The following SOHLH1 variants were observed in gnomAD, a reference collection of about 807,000 sequenced individuals.
SOHLH1 encodes the protein spermatogenesis- and oogenesis-specific basic helix-loop-helix-containing protein 1.
A neutral mutation model predicts 36.2 loss-of-function variants in SOHLH1; 23 were observed. That is an observed-to-expected ratio of 0.64 (90% CI 0.46 to 0.90). SOHLH1 has a LOEUF of 0.90. Ranked by LOEUF, SOHLH1 falls within the 40% of genes least tolerant of loss-of-function variation. SOHLH1 has a pLI of 0.00. For missense variants in SOHLH1, 608 were observed against 517.0 expected, an observed-to-expected ratio of 1.18 and a Z score of -1.71; for synonymous variants, 289 against 228.3, an observed-to-expected ratio of 1.27 and a Z score of -2.40.
At chr9:135,694,638 G>C (rs545960285) in intron 6 of SOHLH1, among the ~76,000 whole-genome samples, 181 bp from the exon 7 acceptor site, 1 of 152,158 alleles carries the variant, frequency 6.6e-6, no homozygotes, top group East Asian at 1.9e-4. Context: ...CTGAGGACAC[G>C]GGCCAGCGGC....
At chr9:135,695,398 G>A in intron 5 of SOHLH1, 135 bp from the exon 6 acceptor site, 2 of 754,326 alleles carry the variant, frequency 2.7e-6, no homozygotes, top group South Asian at 3.2e-5. Flanking sequence ...CCTGCAGCAG[G>A]GACACGTGGG....
intron 1 of SOHLH1, 107 bp downstream of exon 1, chr9:135,699,296 C>T: frequency 6.7e-7 from 1 of 1,499,336 alleles, no homozygotes; most frequent in Non-Finnish European, 9.1e-7. Context: ...GGGTCCAGGG[C>T]TCCGCCCCAG....
chr9:135,697,761 A>G, intron 3 of SOHLH1, 134 bp from the exon 4 acceptor site: 1 of 1,086,192 alleles, frequency 9.2e-7, no homozygotes, highest in Non-Finnish European at 1.3e-6. Flanking sequence ...CTTGGGGGCG[A>G]GAGTACAGGT....
upstream of SOHLH1, chr9:135,699,625 C>G: frequency 1.3e-6 from 1 of 776,476 alleles, no homozygotes. Flanking sequence ...CTAGCCCTCC[C>G]CACGCAGCCA....
intron 7 of SOHLH1, 39 bp from the exon 8 acceptor site, chr9:135,693,853 G>A: frequency 6.6e-7 from 1 of 1,524,638 alleles, no homozygotes; most frequent in Non-Finnish European, 8.9e-7. Flanking sequence ...GCAGGCAGGT[G>A]CTCTGGGAGC....
intron 4 of SOHLH1, among the ~76,000 whole-genome samples, chr9:135,697,019 T>A (rs1834829964): frequency 6.6e-6 from 1 of 152,170 alleles, no homozygotes; most frequent in African/African-American, 2.4e-5. Context: ...CGGTTCTAGA[T>A]TCTTCCACAG....
chr9:135,696,872 C>T lies in SOHLH1; in HGVS notation c.468-67G>A, dbSNP rs938272172. ...AGCCCCCTGGAAGGCTGCCCCCACC[C>T]ACCCCAAGAGCAGAGGGCTGGACCC... On this transcript the variant is annotated intron_variant, in intron 4 of 7. Transcript: ENST00000425225. The T allele has an allele frequency of 1.9e-6, 3 of 1,540,776 alleles. No homozygotes were observed. In the African/African-American group the frequency reaches 4.1e-5, roughly 21 times the overall value.
intron 6 of SOHLH1, 23 bp downstream of exon 6, chr9:135,695,007 TCGCTCACGCACACACAGGCG>T (rs1322502937): frequency 1.3e-6 from 2 of 1,542,728 alleles, no homozygotes; most frequent in Non-Finnish European, 1.8e-6. Flanking sequence ...ACACACATGC[TCGCTCACGCACACACAGGCG>T]TGCACACCAC....
upstream of SOHLH1, among the ~76,000 whole-genome samples, chr9:135,701,811 G>A (rs1346774589): frequency 6.6e-6 from 1 of 152,202 alleles, no homozygotes; most frequent in Non-Finnish European, 1.5e-5. Context: ...AGGTGCTGAC[G>A]GTCCCTGGGC....
At chr9:135,698,280 C>T in intron 3 of SOHLH1, 49 bp downstream of exon 3, 1 of 1,610,180 alleles carries the variant, frequency 6.2e-7, no homozygotes, top group Non-Finnish European at 8.5e-7. Context: ...GTGAGATGTC[C>T]CATCACCGTG....
chr9:135,698,950 C>G, intron 2 of SOHLH1, 45 bp downstream of exon 2: 18 of 1,610,674 alleles, frequency 1.1e-5, no homozygotes, highest in Non-Finnish European at 1.4e-5. Context: ...TCACCCGCTC[C>G]ACCCCTTTAC....
At chr9:135,699,528 C>A, upstream of SOHLH1, 5 of 1,541,146 alleles carry the variant, frequency 3.2e-6, no homozygotes, top group Non-Finnish European at 4.4e-6. Flanking sequence ...GCCCCGCCCC[C>A]TCACGTGTGC....
intron 1 of SOHLH1, 36 bp from the exon 2 acceptor site, chr9:135,699,162 C>T: frequency 6.4e-7 from 1 of 1,564,784 alleles, no homozygotes; most frequent in Non-Finnish European, 8.6e-7. Context: ...GCCCTGAGAA[C>T]CCCAGAAAAG....
rs1186803726 is a variant in SOHLH1, at chr9:135,699,481, C to G, written c.-14G>C. 1 of 1,610,882 alleles carries G rather than the reference C, an allele frequency of 6.2e-7. No individual in the cohort carries two copies. Among genetic ancestry groups the G allele is most frequent in the African/African-American group, 1.3e-5 (1 of 74,886 alleles). On this transcript the variant is annotated 5_prime_UTR_variant, in exon 1 of 8. Coordinates refer to ENST00000425225, the MANE Select transcript of SOHLH1 (RefSeq NM_001101677.2). ...CCGGGACGCCATGAACTCGCAGCTG[C>G]GGAGCGACCCCACGCGCACGGCCCC...
At chr9:135,699,244 G>A (rs1468967865) in intron 1 of SOHLH1, 118 bp from the exon 2 acceptor site, 2 of 1,520,168 alleles carry the variant, frequency 1.3e-6, no homozygotes, top group East Asian at 2.5e-5. Context: ...GGGTCACGTA[G>A]GGACACGGCC....
chr9:135,697,208 T>C (rs1026268974), intron 4 of SOHLH1, among the ~76,000 whole-genome samples: 1 of 152,234 alleles, frequency 6.6e-6, no homozygotes, highest in African/African-American at 2.4e-5. Flanking sequence ...GACACCTCAC[T>C]GACCACCTGT....
At chr9:135,698,746 G>A (rs1259957349) in intron 2 of SOHLH1, among the ~76,000 whole-genome samples, 1 of 152,232 alleles carries the variant, frequency 6.6e-6, no homozygotes, top group Non-Finnish European at 1.5e-5. Flanking sequence ...AGGGTCAGAG[G>A]CAGTCAGAAG....
In SOHLH1 at chr9:135,698,467, C is replaced by T. The variant is rs1163550975; in HGVS notation, c.207G>A (p.Met69Ile). 2 of 1,613,190 alleles carry T rather than the reference C, an allele frequency of 1.2e-6. No individual in the cohort carries two copies. Among genetic ancestry groups the T allele is most frequent in the Non-Finnish European group, 1.7e-6 (2 of 1,180,026 alleles). ...VISERERRKRMSLSCERLRAL... is the reference protein window; with the variant it reads ...VISERERRKRISLSCERLRAL... ...CCCGCAGACGCTCACAGCTCAACGA[C>T]ATCCGCTTCCTGGTTCCGGTCAAGA... Residue 69 changes from methionine to isoleucine, a missense_variant, in exon 3 of 8, where the codon ATG becomes ATA. By Grantham distance (10) the Met-to-Ile change is conservative. Transcript: ENST00000425225.
At position 135,699,157 on chromosome 9, in the gene SOHLH1, G is replaced by A. The variant is rs111807423; in HGVS notation, c.66-31C>T. ...GAGAAAGCCAAGAGCACCGGGCCCT[G>A]AGAACCCCAGAAAAGGCCACCAGGA... On this transcript the variant is annotated intron_variant, in intron 1 of 7. Transcript: ENST00000425225. 2.9e-3 allele frequency: 4,612 copies of A among 1,567,360 alleles called. 123 individuals are homozygous for A. The African/African-American group carries it at 0.056, about 19-fold the overall frequency.
Sources: gnomAD v4.1 joint callset for allele counts (sites outside exome capture counted in the v4.1 genomes callset) on GRCh38, gnomAD v4.1.1 for gene constraint, MANE v1.5 for transcripts, NCBI Gene and HGNC (gene_info 2026-07-23, HGNC 2026-07-21) for gene names.